The following NDUFAF2 variants were observed in gnomAD, a reference collection of about 807,000 sequenced individuals.
NDUFAF2 encodes the protein NADH dehydrogenase [ubiquinone] 1 alpha subcomplex assembly factor 2.
NDUFAF2 carries 13 observed loss-of-function variants against 22.8 expected under a neutral mutation model. The ratio of observed to expected loss-of-function variants is 0.57; its 90% CI spans 0.37 to 0.91. NDUFAF2 has a LOEUF of 0.91. Ranked by LOEUF, NDUFAF2 falls within the 40% of genes least tolerant of loss-of-function variation. NDUFAF2 has a pLI of 0.01. For missense variants in NDUFAF2, 162 were observed against 195.2 expected, an observed-to-expected ratio of 0.83 and a Z score of 1.01; for synonymous variants, 53 against 64.2, an observed-to-expected ratio of 0.83 and a Z score of 0.84.
intron 1 of NDUFAF2, among the ~76,000 whole-genome samples, chr5:61,025,499 A>G (rs1580100683): frequency 6.6e-6 from 1 of 152,098 alleles, no homozygotes; most frequent in Non-Finnish European, 1.5e-5. Context: ...GTGAAAGAAT[A>G]TGGTTTCTAT....
intron 2 of NDUFAF2, among the ~76,000 whole-genome samples, chr5:61,084,861 A>G (rs1752487432): frequency 6.6e-6 from 1 of 152,190 alleles, no homozygotes; most frequent in South Asian, 2.1e-4. Flanking sequence ...AATGCCACAC[A>G]AAAAGCAGAA....
At chr5:60,970,657 T>C (rs898636037) in intron 1 of NDUFAF2, among the ~76,000 whole-genome samples, 1 of 152,208 alleles carries the variant, frequency 6.6e-6, no homozygotes, top group Non-Finnish European at 1.5e-5. Context: ...TAATTTGACG[T>C]CTTCCTTTTC....
intron 3 of NDUFAF2, among the ~76,000 whole-genome samples, chr5:61,144,350 A>G (rs1029860776): frequency 4.6e-5 from 7 of 152,158 alleles, no homozygotes; most frequent in South Asian, 4.1e-4. Context: ...TTATACACAC[A>G]TTACACACAA....
At chr5:60,993,873 A>G (rs1330657559) in intron 1 of NDUFAF2, among the ~76,000 whole-genome samples, 1 of 152,200 alleles carries the variant, frequency 6.6e-6, no homozygotes, top group African/African-American at 2.4e-5. Flanking sequence ...GTCCATGAGC[A>G]GGTCCTGAAA....
At chr5:61,112,422 C>T (rs981263957) in intron 3 of NDUFAF2, among the ~76,000 whole-genome samples, 4 of 151,988 alleles carry the variant, frequency 2.6e-5, no homozygotes, top group Admixed American at 6.6e-5. Context: ...CCATGTTGGC[C>T]GGGATGGTCT....
At chr5:61,091,033 G>A (rs995076880) in intron 2 of NDUFAF2, among the ~76,000 whole-genome samples, 3 of 152,062 alleles carry the variant, frequency 2.0e-5, no homozygotes, top group African/African-American at 4.8e-5. Context: ...CTTTTTTATG[G>A]CTGCATGTAT....
intron 3 of NDUFAF2, among the ~76,000 whole-genome samples, chr5:61,108,036 T>A (rs969547521): frequency 6.6e-6 from 1 of 150,978 alleles, no homozygotes; most frequent in Non-Finnish European, 1.5e-5. Context: ...GAACTCATCA[T>A]TTTTTATGGC....
chr5:61,101,190 T>C (rs1056408015), intron 3 of NDUFAF2, among the ~76,000 whole-genome samples: 1 of 152,124 alleles, frequency 6.6e-6, no homozygotes, highest in Non-Finnish European at 1.5e-5. Flanking sequence ...ATAGCTTATT[T>C]AGTTATTAAG....
intron 1 of NDUFAF2, among the ~76,000 whole-genome samples, chr5:60,981,460 C>G (rs1750976317): frequency 6.6e-6 from 1 of 152,060 alleles, no homozygotes; most frequent in Non-Finnish European, 1.5e-5. Flanking sequence ...AAGAAAAGGA[C>G]ATTAATGAAC....
intron 3 of NDUFAF2, among the ~76,000 whole-genome samples, chr5:61,148,149 C>A (rs1741168465): frequency 6.6e-6 from 1 of 152,214 alleles, no homozygotes; most frequent in Non-Finnish European, 1.5e-5. Flanking sequence ...GCTCCCTAAA[C>A]AACCATCTCT....
chr5:61,056,803 C>A (rs1038836379), intron 1 of NDUFAF2, among the ~76,000 whole-genome samples: 1 of 142,994 alleles, frequency 7.0e-6, no homozygotes, highest in East Asian at 2.1e-4. Context: ...GCATGAGAAT[C>A]GCTTGAACCA....
chr5:61,125,215 T>G (rs972082260), intron 3 of NDUFAF2, among the ~76,000 whole-genome samples: 2 of 152,114 alleles, frequency 1.3e-5, no homozygotes, highest in African/African-American at 4.8e-5. Flanking sequence ...ATTCAATTTT[T>G]TAATGGAAAA....
intron 1 of NDUFAF2, among the ~76,000 whole-genome samples, chr5:61,001,299 G>T (rs1185681575): frequency 3.3e-5 from 5 of 152,034 alleles, no homozygotes; most frequent in Admixed American, 3.3e-4. Context: ...TATCTTTAAT[G>T]AGCTCTTCAC....
intron 3 of NDUFAF2, among the ~76,000 whole-genome samples, chr5:61,149,441 C>G (rs1174038188): frequency 6.6e-6 from 1 of 151,988 alleles, no homozygotes; most frequent in African/African-American, 2.4e-5. Flanking sequence ...GATTGGAACC[C>G]TGTCTGAGTC....
chr5:61,089,742 CAATATTT>C (rs1168131428), intron 2 of NDUFAF2, among the ~76,000 whole-genome samples: 1 of 151,976 alleles, frequency 6.6e-6, no homozygotes, highest in Non-Finnish European at 1.5e-5. Flanking sequence ...ATAGACTAGG[CAATATTT>C]ATTATAATAC....
chr5:61,040,280 A>G lies in NDUFAF2; in HGVS notation c.128-32845A>G, dbSNP rs568248344. ...CACACACACACACACACACACACAC[A>G]CACACACGCGCGCGCGCGCGCGAAA... On this transcript the variant is annotated intron_variant, in intron 1 of 3. Coordinates refer to ENST00000296597, the MANE Select transcript of NDUFAF2 (RefSeq NM_174889.5). Among the ~76,000 whole-genome samples the G allele has an allele frequency of 6.3e-3, 726 of 114,554 alleles. 5 individuals are homozygous for G. Among genetic ancestry groups the G allele is most frequent in the African/African-American group, 0.013 (424 of 33,474 alleles). The allele number at this position is 114,554 out of a possible 152,430, so 75.2% of individuals were successfully genotyped here.
chr5:60,951,072 C>T (rs955023610), intron 1 of NDUFAF2, among the ~76,000 whole-genome samples: 1 of 151,992 alleles, frequency 6.6e-6, no homozygotes, highest in African/African-American at 2.4e-5. Context: ...CTCTGTCGCC[C>T]AGGCTGGAGT....
At chr5:61,044,759 G>A (rs1306069251) in intron 1 of NDUFAF2, among the ~76,000 whole-genome samples, 2 of 152,226 alleles carry the variant, frequency 1.3e-5, no homozygotes, top group East Asian at 3.9e-4. Context: ...CTGATAGTGT[G>A]ATGCCTCTGG....
chr5:60,984,330 A>G (rs1036550109), intron 1 of NDUFAF2, among the ~76,000 whole-genome samples: 21 of 152,282 alleles, frequency 1.4e-4, no homozygotes, highest in African/African-American at 4.8e-4. Flanking sequence ...ATATACAATC[A>G]TGTCATCTGC....
Sources: allele counts gnomAD v4.1 joint callset (sites outside exome capture counted in the v4.1 genomes callset), GRCh38; gene constraint gnomAD v4.1.1; transcripts MANE v1.5; gene names NCBI Gene and HGNC (gene_info 2026-07-23, HGNC 2026-07-21).